The following ANKFN1 variants were observed in gnomAD, a reference collection of about 807,000 sequenced individuals.
ANKFN1 encodes the protein ankyrin repeat and fibronectin type III domain containing 1, also known as ankyrin repeat and fibronectin type-III domain-containing protein 1.
A neutral mutation model predicts 108.7 loss-of-function variants in ANKFN1; 74 were observed. The observed-to-expected ratio is 0.68, with a 90% CI of 0.56 to 0.83. The LOEUF is 0.83. ANKFN1 is among the 40% of genes least tolerant of loss of function. The pLI is 0.00. For synonymous variants in ANKFN1, 547 were observed against 516.2 expected (o/e 1.06, Z -0.81); for missense variants, 1,505 against 1,382.3 (o/e 1.09, Z -1.41).
intron 3 of ANKFN1, among the ~76,000 whole-genome samples, chr17:56,308,078 G>A (rs1166647613): frequency 6.6e-6 from 1 of 152,214 alleles, no homozygotes; most frequent in African/African-American, 2.4e-5. Flanking sequence ...CACACACCGG[G>A]GCCTGTTGTG....
intron 3 of ANKFN1, among the ~76,000 whole-genome samples, chr17:56,298,044 T>G (rs2044564426): frequency 6.6e-6 from 1 of 152,146 alleles, no homozygotes; most frequent in Non-Finnish European, 1.5e-5. Context: ...AGCAGCAGCA[T>G]CTGGAAACTT....
intron 1 of ANKFN1, among the ~76,000 whole-genome samples, chr17:56,164,101 C>G (rs1909933562): frequency 6.6e-6 from 1 of 152,172 alleles, no homozygotes; most frequent in South Asian, 2.1e-4. Flanking sequence ...TGTCTTCCAT[C>G]CATATCTCCA....
Position 56,510,779 on chromosome 17 carries a change from C to T in ANKFN1, c.2951C>T (p.Ala984Val). Residue 984 changes from alanine to valine, a missense_variant, in exon 21 of 21, where the codon GCC becomes GTC. Physicochemically the swap from Ala to Val is moderately conservative, Grantham distance 64. Transcript: ENST00000682825. ...ACGGGGTTCACACCCAAGAACCACG[C>T]CAAGACTGTGTCCGGTGGGCGGCCC... ...TLTGFTPKNHAKTVSGGRPPL... is the reference protein window; with the variant it reads ...TLTGFTPKNHVKTVSGGRPPL... 6.5e-7 allele frequency: 1 copy of T among 1,536,182 alleles called. No homozygotes were observed. The highest frequency in any genetic ancestry group is 8.7e-7 in the Non-Finnish European group (1 of 1,146,910).
intron 3 of ANKFN1, among the ~76,000 whole-genome samples, chr17:56,261,593 C>T (rs958620650): frequency 6.6e-6 from 1 of 151,904 alleles, no homozygotes. Context: ...AGCCTCCAGT[C>T]TGTGGTCAAC....
At chr17:56,215,482 A>T (rs1240704267) in intron 2 of ANKFN1, among the ~76,000 whole-genome samples, 1 of 152,240 alleles carries the variant, frequency 6.6e-6, no homozygotes, top group Non-Finnish European at 1.5e-5. Flanking sequence ...TCCAGAAAAC[A>T]CAATGAAAGG....
intron 19 of ANKFN1, 111 bp downstream of exon 19, chr17:56,492,464 G>C (rs1598717188): frequency 1.7e-6 from 1 of 597,362 alleles, no homozygotes; most frequent in East Asian, 2.8e-5. Context: ...AAAGAACACG[G>C]TGTGTAAGTT....
chr17:56,229,087 T>TGCTGTACATCAAATACTCAAGCGTTA (rs1238462296), intron 3 of ANKFN1, among the ~76,000 whole-genome samples: 1 of 152,150 alleles, frequency 6.6e-6, no homozygotes, highest in Non-Finnish European at 1.5e-5. Context: ...TTGATCCCAC[T>TGCTGTACATCAAATACTCAAGCGTTA]GCTGTACATC....
intron 2 of ANKFN1, among the ~76,000 whole-genome samples, chr17:56,215,549 C>G (rs943611560): frequency 6.6e-6 from 1 of 152,142 alleles, no homozygotes; most frequent in Non-Finnish European, 1.5e-5. Context: ...CTGATTGAGA[C>G]AGGAAAGAAG....
At chr17:56,083,021 A>T (rs747054988) in intron 4 of ANKFN1, among the ~76,000 whole-genome samples, 1 of 151,464 alleles carries the variant, frequency 6.6e-6, no homozygotes, top group African/African-American at 2.4e-5. Flanking sequence ...TAGCAAATGT[A>T]TTGTGATAAC....
At chr17:56,104,762 T>C (rs997279715) in intron 4 of ANKFN1, among the ~76,000 whole-genome samples, 9 of 152,176 alleles carry the variant, frequency 5.9e-5, no homozygotes, top group African/African-American at 2.2e-4. Flanking sequence ...GTTTGAGTAA[T>C]GTTTGAGAAG....
intron 3 of ANKFN1, among the ~76,000 whole-genome samples, chr17:56,266,295 C>G (rs1292441509): frequency 1.3e-5 from 2 of 152,148 alleles, no homozygotes. Flanking sequence ...AATTCTGTGG[C>G]CTCCCAGACA....
chr17:56,314,422 C>G (rs2045138683), intron 3 of ANKFN1, among the ~76,000 whole-genome samples: 1 of 152,194 alleles, frequency 6.6e-6, no homozygotes, highest in Non-Finnish European at 1.5e-5. Flanking sequence ...CACAACCTCA[C>G]CAACTCTTGG....
intron 4 of ANKFN1, among the ~76,000 whole-genome samples, chr17:56,082,881 A>G (rs1008732368): frequency 1.4e-5 from 2 of 141,560 alleles, no homozygotes; most frequent in Non-Finnish European, 3.2e-5. Context: ...GGGTTTAGGT[A>G]AATTTGAGAT....
At chr17:56,430,494 C>T (rs1357971558) in intron 8 of ANKFN1, among the ~76,000 whole-genome samples, 1 of 121,920 alleles carries the variant, frequency 8.2e-6, no homozygotes, top group African/African-American at 3.1e-5. Context: ...GATTTTGATG[C>T]TTTTACCACA....
chr17:56,220,494 T>C lies in ANKFN1; in HGVS notation c.13-7423T>C, dbSNP rs537527790. On this transcript the variant is annotated intron_variant, in intron 2 of 20. Coordinates refer to ENST00000682825, the MANE Select transcript of ANKFN1 (RefSeq NM_001370326.1). ...TAACATGGCAAAGCCCCATCTTTAT[T>C]AAAAAAAATACAAAAATTAGCTGGG... Among the ~76,000 whole-genome samples the C allele has an allele frequency of 1.8e-3, 269 of 151,594 alleles. 1 individual carries two copies. The highest frequency in any genetic ancestry group is 6.2e-3 in the African/African-American group (256 of 41,332).
chr17:56,350,318 C>T (rs980616794), intron 4 of ANKFN1, among the ~76,000 whole-genome samples: 1 of 152,062 alleles, frequency 6.6e-6, no homozygotes, highest in African/African-American at 2.4e-5. Flanking sequence ...TGAGACAAAG[C>T]CTCACTTTCT....
intron 8 of ANKFN1, among the ~76,000 whole-genome samples, chr17:56,415,178 T>C (rs2048206568): frequency 6.6e-6 from 1 of 152,166 alleles, no homozygotes; most frequent in African/African-American, 2.4e-5. Flanking sequence ...CCCACTGTTA[T>C]TCAGCATAGT....
intron 3 of ANKFN1, among the ~76,000 whole-genome samples, chr17:56,322,300 A>G (rs17213137): frequency 0.14 from 22,041 of 152,050 alleles, 2,120 homozygotes; most frequent in East Asian, 0.41. Context: ...TATACTATTG[A>G]CAATCCTGTA....
chr17:56,340,542 A>C (rs1417228160), intron 4 of ANKFN1, among the ~76,000 whole-genome samples: 1 of 152,136 alleles, frequency 6.6e-6, no homozygotes, highest in Non-Finnish European at 1.5e-5. Flanking sequence ...CAGTTATCCC[A>C]GCACCATTTA....
Sources: allele counts gnomAD v4.1 joint callset (sites outside exome capture counted in the v4.1 genomes callset), GRCh38; gene constraint gnomAD v4.1.1; transcripts MANE v1.5; gene names NCBI Gene and HGNC (gene_info 2026-07-23, HGNC 2026-07-21).